The following FAM184A variants were observed in gnomAD, a reference collection of about 807,000 sequenced individuals.
FAM184A encodes protein FAM184A.
FAM184A carries 99 observed loss-of-function variants against 143.8 expected under a neutral mutation model. That is an observed-to-expected ratio of 0.69 (90% confidence interval 0.58 to 0.81). FAM184A has a LOEUF of 0.81. FAM184A is among the 40% of genes least tolerant of loss of function. The probability of loss-of-function intolerance (pLI) is 0.00; values close to 1 mark genes in which losing one functional copy is unlikely to be tolerated. For missense variants in FAM184A, 1,217 were observed against 1,310.5 expected, an observed-to-expected ratio of 0.93 and a Z score of 1.10; for synonymous variants, 427 against 446.4, an observed-to-expected ratio of 0.96 and a Z score of 0.55.
At chr6:119,098,775 G>A (rs372129119) in intron 1 of FAM184A, among the ~76,000 whole-genome samples, 5 of 152,114 alleles carry the variant, frequency 3.3e-5, no homozygotes, top group African/African-American at 9.7e-5. Context: ...TCTACGTGCC[G>A]GTGGACCCAT....
intron 6 of FAM184A, chr6:119,009,717 A>C (rs1364355280): frequency 6.6e-6 from 1 of 151,804 alleles, no homozygotes; most frequent in African/African-American, 2.4e-5. Flanking sequence ...ATTACTTACC[A>C]CCCTTTGTAA....
At chr6:118,993,439 T>C (rs982010399) in intron 9 of FAM184A, among the ~76,000 whole-genome samples, 17 of 152,180 alleles carry the variant, frequency 1.1e-4, no homozygotes, top group Non-Finnish European at 2.1e-4. Context: ...ATTTAGAAAA[T>C]AGGACAAGGT....
In FAM184A at chr6:119,051,711, T is replaced by C. The variant is rs115746872; in HGVS notation, c.159+26430A>G. On this transcript the variant is annotated intron_variant, in intron 1 of 17. Transcript: ENST00000338891. ...TTGCCAAAAAAGAAAAAAAAGAATA[T>C]CCTGCTATTGGTTTGAGAGGTAAAG... 1.0e-2 allele frequency among the ~76,000 whole-genome samples: 1,519 copies of C among 152,136 alleles called. 28 individuals are homozygous for C. Among genetic ancestry groups the C allele is most frequent in the African/African-American group, 0.034 (1,426 of 41,500 alleles).
chr6:119,113,341 C>T (rs1788979909), intron 1 of FAM184A, among the ~76,000 whole-genome samples: 1 of 152,172 alleles, frequency 6.6e-6, no homozygotes, highest in African/African-American at 2.4e-5. Context: ...TAAATGAGGC[C>T]TGGCTGTGTC....
intron 9 of FAM184A, among the ~76,000 whole-genome samples, chr6:118,996,363 G>A (rs768279642): frequency 2.6e-5 from 4 of 152,156 alleles, no homozygotes; most frequent in South Asian, 2.1e-4. Context: ...AGGACTTGGC[G>A]TAGGAAAAAT....
intron 9 of FAM184A, among the ~76,000 whole-genome samples, chr6:119,001,550 G>C (rs1193921870): frequency 6.6e-6 from 1 of 151,918 alleles, no homozygotes; most frequent in Non-Finnish European, 1.5e-5. Flanking sequence ...CTGCAGAATA[G>C]ACACCCAAAG....
intron 1 of FAM184A, among the ~76,000 whole-genome samples, chr6:119,039,875 A>C (rs1562484920): frequency 6.6e-6 from 1 of 152,228 alleles, no homozygotes; most frequent in East Asian, 1.9e-4. Context: ...ATTAAGAGAC[A>C]AAAATGGCAA....
rs533024709 is a variant in FAM184A, at chr6:119,112,224, C to T, written c.-202+36854G>A. On this transcript the variant is annotated intron_variant, in intron 1 of 16. Transcript: ENST00000352896. Reference sequence around the variant, plus strand: ...TCGGCTCATCACAACCTCCGCCTCCCGGGTTCAAGCAATTCTCCTGCCTCA... The same window carrying T: ...TCGGCTCATCACAACCTCCGCCTCCTGGGTTCAAGCAATTCTCCTGCCTCA... Among the ~76,000 whole-genome samples the T allele has an allele frequency of 3.9e-5, 6 of 151,974 alleles. No homozygotes were observed. In the South Asian group the frequency reaches 6.2e-4, roughly 16 times the overall value.
intron 9 of FAM184A, among the ~76,000 whole-genome samples, chr6:118,997,238 A>G (rs1279713818): frequency 1.3e-5 from 2 of 149,414 alleles, no homozygotes; most frequent in Admixed American, 6.7e-5. Flanking sequence ...CATCTCTACT[A>G]AAAATATAAA....
At chr6:118,972,421 T>G (rs1783723258) in intron 14 of FAM184A, among the ~76,000 whole-genome samples, 1 of 152,140 alleles carries the variant, frequency 6.6e-6, no homozygotes, top group South Asian at 2.1e-4. Context: ...TGGTGTGTGT[T>G]TGTTTTTAAC....
At chr6:118,976,134 A>G in intron 11 of FAM184A, 90 bp from the exon 12 acceptor site, 2 of 1,273,554 alleles carry the variant, frequency 1.6e-6, no homozygotes, top group South Asian at 2.8e-5. Flanking sequence ...AAATTATTTC[A>G]AAAATTAGAA....
At chr6:119,125,130 TTAA>T (rs1789323138) in intron 1 of FAM184A, among the ~76,000 whole-genome samples, 1 of 152,228 alleles carries the variant, frequency 6.6e-6, no homozygotes, top group African/African-American at 2.4e-5. Flanking sequence ...GTTGTATCTA[TTAA>T]TAGTTTTTTA....
chr6:119,013,313 G>T (rs1027383074), intron 5 of FAM184A, among the ~76,000 whole-genome samples: 1 of 152,138 alleles, frequency 6.6e-6, no homozygotes, highest in Admixed American at 6.5e-5. Flanking sequence ...TAAAAATGAC[G>T]TTGATGAAAG....
chr6:119,113,153 T>G (rs142112762), intron 1 of FAM184A, among the ~76,000 whole-genome samples: 2 of 152,288 alleles, frequency 1.3e-5, no homozygotes, highest in Non-Finnish European at 2.9e-5. Context: ...ATTGTGCTCA[T>G]GGGGCAAGTT....
chr6:119,140,294 C>T (rs1192598483), intron 1 of FAM184A, among the ~76,000 whole-genome samples: 1 of 152,078 alleles, frequency 6.6e-6, no homozygotes, highest in African/African-American at 2.4e-5. Flanking sequence ...TTTCTGGCCA[C>T]GTGTCTTTAT....
chr6:119,069,789 T>C (rs1582583504), intron 1 of FAM184A, among the ~76,000 whole-genome samples: 1 of 152,272 alleles, frequency 6.6e-6, no homozygotes, highest in Middle Eastern at 3.4e-3. Flanking sequence ...GAAAACTTAT[T>C]AACCCCTATG....
chr6:118,969,993 A>ATATAAAATAT lies in FAM184A; in HGVS notation c.2916-3042_2916-3041insATATTTTATA, dbSNP rs1189865476. 1.6e-4 allele frequency among the ~76,000 whole-genome samples: 4 copies of ATATAAAATAT among 24,372 alleles called. 1 individual carries two copies. Among genetic ancestry groups the ATATAAAATAT allele is most frequent in the African/African-American group, 4.3e-4 (3 of 6,948 alleles). 16.0% of individuals were successfully genotyped at this position (24,372 alleles called of 152,430 possible). ...AAATTGTTTGGGTGTATATATATAT[A>ATATAAAATAT]ATATATATATATATATTTTTTTTTT... is the stretch of plus-strand genomic sequence containing the variant. On this transcript the variant is annotated intron_variant, in intron 14 of 17. Coordinates refer to ENST00000338891, the MANE Select transcript of FAM184A (RefSeq NM_024581.6).
At position 118,961,877 on chromosome 6, in the gene FAM184A, A is replaced by G. The variant is rs1263081376; in HGVS notation, c.3225T>C (p.Asn1075=). ...TGGGATCCAGGCGGTTAGGATGTCC[A>G]TTGCCCACTCCACCAGATTCCAGAG... The part of the protein sequence containing the change: ...LSALESGGVG[N]GHPNRLDPIP... The change falls in exon 17 of 18, where the codon AAT becomes AAC. Residue 1075 remains asparagine (N), a synonymous_variant. Coordinates refer to ENST00000338891, the MANE Select transcript of FAM184A (RefSeq NM_024581.6). 16 of 1,613,796 alleles carry G rather than the reference A, an allele frequency of 9.9e-6. No homozygotes were observed. The highest frequency in any genetic ancestry group is 1.3e-5 in the African/African-American group (1 of 74,876).
At chr6:118,970,009 T>TATATA (rs1491454245) in intron 14 of FAM184A, among the ~76,000 whole-genome samples, 3 of 23,274 alleles carry the variant, frequency 1.3e-4, no homozygotes, top group African/African-American at 5.2e-4. Flanking sequence ...TATATATATA[T>TATATA]TTTTTTTTTT....
Sources: gnomAD v4.1 joint callset for allele counts (sites outside exome capture counted in the v4.1 genomes callset) on GRCh38, gnomAD v4.1.1 for gene constraint, MANE v1.5 for transcripts, NCBI Gene and HGNC (gene_info 2026-07-23, HGNC 2026-07-21) for gene names.